The following CR1 variants were observed in gnomAD, a reference collection of about 807,000 sequenced individuals.
The protein encoded by CR1 is complement C3b/C4b receptor 1 (Knops blood group).
In CR1, 116 loss-of-function variants were observed where a neutral mutation model predicts 187.3. The ratio of observed to expected loss-of-function variants is 0.62; its 90% CI spans 0.53 to 0.72. The LOEUF (loss-of-function observed/expected upper bound fraction) is 0.72. Among genes scored for constraint, CR1 ranks in the 30% least tolerant of loss-of-function variants. The pLI, the probability that CR1 is intolerant of heterozygous loss-of-function variation, is 0.00. For missense variants in CR1, 1,731 were observed against 2,110.7 expected (o/e 0.82, Z 3.52); for synonymous variants, 576 against 747.1 (o/e 0.77, Z 3.73).
chr1:207,632,435 A>G lies in CR1; in HGVS notation c.7457+1814A>G, dbSNP rs370268706. Reference sequence around the variant, plus strand: ...CAAATAAAAATTGTATTATTTCAACATGAACACAAACACATTTATAAGGGA... The same window carrying G: ...CAAATAAAAATTGTATTATTTCAACGTGAACACAAACACATTTATAAGGGA... On this transcript the variant is annotated intron_variant, in intron 46 of 46. Transcript: ENST00000367049. 3.9e-5 allele frequency among the ~76,000 whole-genome samples: 6 copies of G among 152,366 alleles called. No individual in the cohort carries two copies. The East Asian group carries it at 5.8e-4, about 15-fold the overall frequency.
intron 35 of CR1, among the ~76,000 whole-genome samples, chr1:207,589,150 T>C (rs1661195929): frequency 6.6e-6 from 1 of 152,192 alleles, no homozygotes; most frequent in Non-Finnish European, 1.5e-5. Flanking sequence ...TGGAGGACCC[T>C]GAAGCAGAGT....
chr1:207,523,963 C>T lies in CR1; in HGVS notation c.840C>T (p.Cys280=), dbSNP rs1253457560. 1 of 1,611,620 alleles carries T rather than the reference C, an allele frequency of 6.2e-7. No individual in the cohort carries two copies. The highest frequency in any genetic ancestry group is 8.5e-7 in the Non-Finnish European group (1 of 1,179,716). The part of the protein sequence containing the change: ...FVMKGPRRVK[C]QALNKWEPEL... ...TGAAAGGACCCCGCCGTGTGAAGTGCCAGGCCCTGAACAAATGGGAGCCGG... is the reference window on the plus strand; with the variant it reads ...TGAAAGGACCCCGCCGTGTGAAGTGTCAGGCCCTGAACAAATGGGAGCCGG... Residue 280 remains cysteine (C), a synonymous_variant, in exon 5 of 47, where the codon TGC becomes TGT. Transcript: ENST00000367049.
chr1:207,614,951 G>A (rs1662050178), intron 40 of CR1, among the ~76,000 whole-genome samples: 1 of 152,012 alleles, frequency 6.6e-6, no homozygotes, highest in Non-Finnish European at 1.5e-5. Context: ...TGGGACTACA[G>A]GTGCATGCCA....
At chr1:207,567,619 C>T (rs1160109534) in intron 24 of CR1, among the ~76,000 whole-genome samples, 4 of 150,208 alleles carry the variant, frequency 2.7e-5, no homozygotes, top group South Asian at 2.1e-4. Context: ...TGTTACTATC[C>T]GGAAGATTCA....
In CR1 at chr1:207,496,178, A is replaced by G. The variant is rs917092678; in HGVS notation, c.-90A>G. On this transcript the variant is annotated 5_prime_UTR_variant, in exon 1 of 47. An upstream start codon of the reference 5' UTR is lost. Transcript: ENST00000367049. The stretch of plus-strand genomic sequence containing the variant: ...CCCCACACTCTGGGCGCGGAGCACA[A>G]TGATTGGTCACTCCTATTTTCGCTG... 3.7e-6 allele frequency: 6 copies of G among 1,606,772 alleles called. No homozygotes were observed. Among genetic ancestry groups the G allele is most frequent in the African/African-American group, 1.3e-5 (1 of 74,564 alleles).
Position 207,582,008 on chromosome 1 carries a change from G to A in CR1, c.5302+5G>A, listed in dbSNP as rs780509694. ...ACAGTGTTCCTGTGTGTGAACGTGA[G>A]TAGATGGAATACTTGTTCAGTCTGG... On this transcript the variant is annotated splice_donor_5th_base_variant and intron_variant, in intron 32 of 46. Transcript: ENST00000367049. 1.1e-5 allele frequency: 17 copies of A among 1,597,664 alleles called. No individual in the cohort carries two copies. The highest frequency in any genetic ancestry group is 1.4e-5 in the Non-Finnish European group (16 of 1,166,074).
rs550200701 is a variant in CR1, at chr1:207,635,369, G to A, written c.7458-4028G>A. Among the ~76,000 whole-genome samples the A allele has an allele frequency of 1.9e-4, 29 of 152,286 alleles. 2 individuals carry two copies. The South Asian group carries it at 6.0e-3, about 32-fold the overall frequency. Reference sequence around the variant, plus strand: ...GGAGAGAAGTTCAGCAGGTAAACACGTGAACAAAGGTCTCGGCATCATAAA... The same window carrying A: ...GGAGAGAAGTTCAGCAGGTAAACACATGAACAAAGGTCTCGGCATCATAAA... On this transcript the variant is annotated intron_variant, in intron 46 of 46. Coordinates refer to ENST00000367049, the MANE Select transcript of CR1 (RefSeq NM_000651.6).
At position 207,599,891 on chromosome 1, in the gene CR1, A is replaced by G. The variant is rs569219311; in HGVS notation, c.5811-7360A>G. On this transcript the variant is annotated intron_variant, in intron 35 of 46. Coordinates refer to ENST00000367049, the MANE Select transcript of CR1 (RefSeq NM_000651.6). The stretch of plus-strand genomic sequence containing the variant: ...ACTAAGTGAATATATAGGTTATACA[A>G]TTACGTTGTTAAATTTCTGAAAACA... Among the ~76,000 whole-genome samples, 16 of 152,348 alleles carry G rather than the reference A, an allele frequency of 1.1e-4. No individual in the cohort carries two copies. In the South Asian group the frequency reaches 3.3e-3, roughly 32 times the overall value.
Position 207,582,102 on chromosome 1 carries a change from C to A in CR1, c.5302+99C>A, listed in dbSNP as rs911581049. 4 of 737,552 alleles carry A rather than the reference C, an allele frequency of 5.4e-6. No homozygotes were observed. The African/African-American group carries it at 5.4e-5, about 10-fold the overall frequency. The allele number at this position is 737,552 out of a possible 1,614,324, so 45.7% of individuals were successfully genotyped here. A position where few individuals can be genotyped will look rare whatever the true frequency, so the allele number is the denominator to read the frequency against. ...TCTATTGTTTGTCCCGCTGTTTGTGCCCGCTTTTGATAGAAATTGTTCTTT... is the reference window on the plus strand; with the variant it reads ...TCTATTGTTTGTCCCGCTGTTTGTGACCGCTTTTGATAGAAATTGTTCTTT... On this transcript the variant is annotated intron_variant, in intron 32 of 46. Transcript: ENST00000367049.
At chr1:207,566,090 G>A (rs1337432551) in intron 24 of CR1, among the ~76,000 whole-genome samples, 167 bp downstream of exon 24, 1 of 150,256 alleles carries the variant, frequency 6.7e-6, no homozygotes, top group Non-Finnish European at 1.5e-5. Context: ...TACATCACCT[G>A]TCTTTGCAAC....
chr1:207,507,111 C>T (rs1475775945), intron 3 of CR1: 3 of 265,750 alleles, frequency 1.1e-5, no homozygotes, highest in South Asian at 1.2e-4. Flanking sequence ...ACAGCCTTAA[C>T]GCAGAGGGGA....
rs73078683 is a variant in CR1, at chr1:207,627,844, G to C, written c.7353-2673G>C. The stretch of plus-strand genomic sequence containing the variant: ...AAGGCAACTGCAAATTCAGTGTCTG[G>C]TGGGGATCGCTTTCTAGTTAATAGA... On this transcript the variant is annotated intron_variant, in intron 45 of 46. Coordinates refer to ENST00000367049, the MANE Select transcript of CR1 (RefSeq NM_000651.6). Among the ~76,000 whole-genome samples the C allele has an allele frequency of 1.9e-3, 296 of 152,304 alleles. 1 individual carries two copies. The highest frequency in any genetic ancestry group is 6.6e-3 in the African/African-American group (276 of 41,572).
At chr1:207,639,262 C>T (rs1662908421) in intron 46 of CR1, 135 bp from the exon 47 acceptor site, 2 of 719,896 alleles carry the variant, frequency 2.8e-6, no homozygotes, top group African/African-American at 1.8e-5. Context: ...AATGTTCTAA[C>T]TTGTCCTCCT....
At chr1:207,606,094 C>CT (rs778072903) in intron 35 of CR1, 2 of 152,262 alleles carry the variant, frequency 1.3e-5, no homozygotes, top group Non-Finnish European at 2.9e-5. Context: ...TATACGATGA[C>CT]TCCATAATCC....
chr1:207,575,752 A>G (rs2102335490), intron 28 of CR1, 72 bp downstream of exon 28: 1 of 1,601,914 alleles, frequency 6.2e-7, no homozygotes, highest in South Asian at 1.1e-5. Context: ...ATTACAAAGA[A>G]TGGATCTCAT....
rs375945701 is a variant in CR1, at chr1:207,496,312, G to A, written c.45G>A (p.Pro15=). 5.3e-5 allele frequency: 86 copies of A among 1,613,648 alleles called. No individual in the cohort carries two copies. In the African/African-American group the frequency reaches 8.1e-4, roughly 15 times the overall value. The change falls in exon 1 of 47, where the codon CCG becomes CCA. Residue 15 remains proline, a synonymous_variant. Coordinates refer to ENST00000367049, the MANE Select transcript of CR1 (RefSeq NM_000651.6). The part of the protein sequence containing the change: ...SPRSPEPVGP[P]APGLPFCCGG... ...GAAGCCCGGAGCCTGTCGGGCCGCC[G>A]GCGCCCGGTCTCCCCTTCTGCTGCG...
At chr1:207,502,803 C>G (rs1365005304) in intron 1 of CR1, among the ~76,000 whole-genome samples, 1 of 152,186 alleles carries the variant, frequency 6.6e-6, no homozygotes. Flanking sequence ...CCATTGACAA[C>G]AGGGAAAAGG....
At chr1:207,596,068 T>G (rs527603079) in intron 35 of CR1, among the ~76,000 whole-genome samples, 1 of 146,076 alleles carries the variant, frequency 6.8e-6, no homozygotes, top group South Asian at 2.1e-4. Flanking sequence ...TATATCTATA[T>G]CTATATCTAT....
intron 4 of CR1, among the ~76,000 whole-genome samples, chr1:207,514,166 A>G (rs1436068664): frequency 4.6e-5 from 7 of 152,152 alleles, no homozygotes; most frequent in South Asian, 2.1e-4. Flanking sequence ...TTAAATTTCA[A>G]TTTTACATTC....
Sources: allele counts gnomAD v4.1 joint callset (sites outside exome capture counted in the v4.1 genomes callset), GRCh38; gene constraint gnomAD v4.1.1; transcripts MANE v1.5; gene names NCBI Gene and HGNC (gene_info 2026-07-23, HGNC 2026-07-21).